The following CTNNA3 variants were observed in gnomAD, a reference collection of about 807,000 sequenced individuals.
The protein encoded by CTNNA3 is catenin alpha 3.
CTNNA3 carries 76 observed loss-of-function variants against 95.7 expected under a neutral mutation model. The observed-to-expected ratio is 0.79, with a 90% CI of 0.66 to 0.96. The LOEUF (loss-of-function observed/expected upper bound fraction) is 0.96, where lower values mean the gene tolerates loss of function less well. Ranked by LOEUF, CTNNA3 falls within the 40% of genes least tolerant of loss-of-function variation. The probability of loss-of-function intolerance (pLI) is 0.00; values close to 1 mark genes in which losing one functional copy is unlikely to be tolerated. For synonymous variants in CTNNA3, 431 were observed against 374.4 expected (o/e 1.15, Z -1.74); for missense variants, 1,191 against 1,089.8 (o/e 1.09, Z -1.31).
intron 7 of CTNNA3, among the ~76,000 whole-genome samples, chr10:66,840,405 CACACA>C (rs1434699393): frequency 1.3e-5 from 2 of 148,664 alleles, no homozygotes; most frequent in African/African-American, 4.9e-5. Flanking sequence ...CACACACACA[CACACA>C]CCCCTCGGTA....
chr10:66,321,483 A>G (rs7920730), intron 12 of CTNNA3, among the ~76,000 whole-genome samples: 45,205 of 152,002 alleles, frequency 0.3, 7,859 homozygotes, highest in Non-Finnish European at 0.39. Context: ...TGAAACTAAT[A>G]AAAAACTCTT....
intron 7 of CTNNA3, among the ~76,000 whole-genome samples, chr10:67,153,668 T>C (rs990379459): frequency 1.3e-5 from 2 of 152,200 alleles, no homozygotes; most frequent in Non-Finnish European, 2.9e-5. Flanking sequence ...TATATTTTAT[T>C]TTACTCCTGG....
At chr10:66,033,089 T>C (rs985761755) in intron 15 of CTNNA3, among the ~76,000 whole-genome samples, 5 of 152,098 alleles carry the variant, frequency 3.3e-5, no homozygotes, top group African/African-American at 1.2e-4. Flanking sequence ...TCCCTGGAAG[T>C]TACACTGATT....
At chr10:67,107,123 T>A (rs867547583) in intron 7 of CTNNA3, among the ~76,000 whole-genome samples, 3 of 152,180 alleles carry the variant, frequency 2.0e-5, no homozygotes, top group Non-Finnish European at 4.4e-5. Context: ...GAGAGGGCAG[T>A]GAAGGGAGAA....
intron 10 of CTNNA3, among the ~76,000 whole-genome samples, chr10:66,593,980 C>CTATTTG (rs1843631835): frequency 6.6e-6 from 1 of 151,996 alleles, no homozygotes; most frequent in African/African-American, 2.4e-5. Context: ...AAAATGTTAA[C>CTATTTG]AACTCCAAGT....
intron 9 of CTNNA3, among the ~76,000 whole-genome samples, chr10:66,716,255 C>G (rs1179973486): frequency 6.6e-6 from 1 of 152,028 alleles, no homozygotes; most frequent in African/African-American, 2.4e-5. Flanking sequence ...TGAACAGATA[C>G]AAGAAAATGG....
chr10:67,352,360 G>A (rs1294597265), intron 5 of CTNNA3, among the ~76,000 whole-genome samples: 1 of 151,916 alleles, frequency 6.6e-6, no homozygotes, highest in Non-Finnish European at 1.5e-5. Context: ...ACTGAGCAAG[G>A]CATACCTGTG....
chr10:67,522,554 A>G (rs534922911), intron 4 of CTNNA3, among the ~76,000 whole-genome samples: 13 of 152,224 alleles, frequency 8.5e-5, no homozygotes, highest in African/African-American at 3.1e-4. Flanking sequence ...TGGCATGTTC[A>G]GCAAACATTT....
chr10:66,781,923 TTG>T (rs1476440827), intron 7 of CTNNA3, among the ~76,000 whole-genome samples: 1 of 152,130 alleles, frequency 6.6e-6, no homozygotes, highest in Non-Finnish European at 1.5e-5. Flanking sequence ...ACACAGTAAA[TTG>T]TGTGTCAGGT....
chr10:66,812,263 GT>G (rs1275927770), intron 7 of CTNNA3, among the ~76,000 whole-genome samples: 1 of 152,144 alleles, frequency 6.6e-6, no homozygotes, highest in Non-Finnish European at 1.5e-5. Context: ...TCAGATTGTA[GT>G]TCTGTGAAAG....
chr10:67,343,269 GT>G (rs1187414207), intron 5 of CTNNA3, among the ~76,000 whole-genome samples: 3 of 151,988 alleles, frequency 2.0e-5, no homozygotes, highest in Non-Finnish European at 2.9e-5. Flanking sequence ...TTTTAGGATA[GT>G]TTTTTTCTAT....
At chr10:67,074,371 G>C (rs1306973619) in intron 7 of CTNNA3, among the ~76,000 whole-genome samples, 1 of 82,418 alleles carries the variant, frequency 1.2e-5, no homozygotes, top group Admixed American at 1.4e-4. Flanking sequence ...TTTTTTTTGA[G>C]ACGGAGTCTC....
At chr10:66,294,267 T>A (rs10762050) in intron 12 of CTNNA3, among the ~76,000 whole-genome samples, 66,063 of 151,988 alleles carry the variant, frequency 0.43, 14,952 homozygotes, top group African/African-American at 0.56. Flanking sequence ...GTCTGAGAAG[T>A]TGTTTTAACA....
At chr10:66,793,184 C>G (rs1271503282) in intron 7 of CTNNA3, among the ~76,000 whole-genome samples, 1 of 152,114 alleles carries the variant, frequency 6.6e-6, no homozygotes, top group African/African-American at 2.4e-5. Flanking sequence ...TTCACTCTGT[C>G]ACCCAGACTG....
intron 13 of CTNNA3, among the ~76,000 whole-genome samples, chr10:66,146,848 C>T (rs1030634209): frequency 3.3e-5 from 5 of 152,178 alleles, no homozygotes; most frequent in Admixed American, 6.5e-5. Flanking sequence ...TGAGCCACCA[C>T]ACCTGGTATT....
intron 3 of CTNNA3, among the ~76,000 whole-genome samples, chr10:67,585,307 ATG>A (rs1250248235): frequency 1.3e-5 from 2 of 152,078 alleles, no homozygotes; most frequent in Non-Finnish European, 2.9e-5. Context: ...TTTCTTTTAT[ATG>A]TGTCACCTCT....
chr10:66,922,035 T>A (rs922660854), intron 7 of CTNNA3, among the ~76,000 whole-genome samples: 1 of 152,240 alleles, frequency 6.6e-6, no homozygotes, highest in African/African-American at 2.4e-5. Flanking sequence ...GACTAAAATT[T>A]GGCAGTATTG....
At chr10:66,317,064 A>AT (rs1482434481) in intron 12 of CTNNA3, among the ~76,000 whole-genome samples, 1 of 152,138 alleles carries the variant, frequency 6.6e-6, no homozygotes, top group Non-Finnish European at 1.5e-5. Flanking sequence ...TCAAAATATA[A>AT]TTTTTTTAGA....
At chr10:65,929,571 CTTTT>C (rs1273919265) in intron 17 of CTNNA3, among the ~76,000 whole-genome samples, 2 of 143,188 alleles carry the variant, frequency 1.4e-5, no homozygotes, top group Admixed American at 7.0e-5. Flanking sequence ...TTCTTTCTTT[CTTTT>C]TTTTTTTTTT....
Sources: allele counts gnomAD v4.1 joint callset (sites outside exome capture counted in the v4.1 genomes callset), GRCh38; gene constraint gnomAD v4.1.1; transcripts MANE v1.5; gene names NCBI Gene and HGNC (gene_info 2026-07-23, HGNC 2026-07-21).